PTPRT: variants seen among roughly 807,000 people sequenced by gnomAD.
PTPRT encodes protein tyrosine phosphatase receptor type T.
Under a neutral mutation model 176.8 loss-of-function variants are expected in PTPRT, and 56 were observed. The ratio of observed to expected loss-of-function variants is 0.32; its 90% CI spans 0.26 to 0.40. PTPRT has a LOEUF of 0.40. PTPRT is among the 10% of genes least tolerant of loss of function. The pLI is 1.00. For missense variants in PTPRT, 1,540 were observed against 1,908.2 expected, an observed-to-expected ratio of 0.81 and a Z score of 3.60; for synonymous variants, 783 against 739.0, an observed-to-expected ratio of 1.06 and a Z score of -0.96.
At chr20:42,857,366 T>A (rs1386734929) in intron 2 of PTPRT, among the ~76,000 whole-genome samples, 1 of 152,214 alleles carries the variant, frequency 6.6e-6, no homozygotes, top group African/African-American at 2.4e-5. Flanking sequence ...CTCTGCTCCT[T>A]AGAGCTAGAA....
chr20:42,697,467 T>G lies in PTPRT; in HGVS notation c.860-19308A>C, dbSNP rs576902429. On this transcript the variant is annotated intron_variant, in intron 6 of 30. Coordinates refer to ENST00000373187, the MANE Select transcript of PTPRT (RefSeq NM_007050.6). ...TCAAGGAAGACATTAACTTGCAAAT[T>G]ACTCGAAAGGAAGATAACCGGTAAG... 2.3e-4 allele frequency among the ~76,000 whole-genome samples: 35 copies of G among 152,332 alleles called. 1 individual carries two copies. The South Asian group carries it at 6.6e-3, about 29-fold the overall frequency.
chr20:42,125,536 A>T (rs903909154), intron 19 of PTPRT, among the ~76,000 whole-genome samples: 1 of 152,200 alleles, frequency 6.6e-6, no homozygotes, highest in African/African-American at 2.4e-5. Flanking sequence ...CAGAAGAAGA[A>T]GGTCGTGGTG....
intron 16 of PTPRT, among the ~76,000 whole-genome samples, chr20:42,181,632 T>G (rs1990530624): frequency 6.6e-6 from 1 of 152,160 alleles, no homozygotes; most frequent in Non-Finnish European, 1.5e-5. Flanking sequence ...GAATACTGAA[T>G]AGTGAAAGTG....
chr20:43,165,762 T>C (rs1372940138), intron 1 of PTPRT, among the ~76,000 whole-genome samples: 1 of 152,158 alleles, frequency 6.6e-6, no homozygotes, highest in East Asian at 1.9e-4. Context: ...CTGACTTACG[T>C]TTTTAAAAAA....
chr20:42,664,266 T>C (rs905321542), intron 7 of PTPRT, among the ~76,000 whole-genome samples: 3 of 152,362 alleles, frequency 2.0e-5, no homozygotes, highest in African/African-American at 4.8e-5. Context: ...TTTTTATGTG[T>C]AAAGATATTT....
chr20:42,181,747 T>C (rs972594416), intron 16 of PTPRT, among the ~76,000 whole-genome samples: 5 of 152,194 alleles, frequency 3.3e-5, no homozygotes, highest in African/African-American at 9.7e-5. Flanking sequence ...TCCAGGGATA[T>C]AGTAGAAGCC....
chr20:42,594,509 T>G (rs2073636274), intron 7 of PTPRT, among the ~76,000 whole-genome samples: 1 of 152,190 alleles, frequency 6.6e-6, no homozygotes, highest in Non-Finnish European at 1.5e-5. Context: ...TCTTGTTCCA[T>G]CTGGAATCAA....
chr20:43,099,988 C>T (rs947007577), intron 1 of PTPRT, among the ~76,000 whole-genome samples: 1 of 152,202 alleles, frequency 6.6e-6, no homozygotes, highest in African/African-American at 2.4e-5. Context: ...AATATCCATG[C>T]ATTCATTGTA....
intron 6 of PTPRT, among the ~76,000 whole-genome samples, chr20:42,699,666 T>C (rs1354655537): frequency 6.6e-6 from 1 of 152,194 alleles, no homozygotes; most frequent in Non-Finnish European, 1.5e-5. Flanking sequence ...GTAGTCTACA[T>C]AGTCCTGTTA....
At chr20:42,706,266 T>C (rs1007539029) in intron 6 of PTPRT, among the ~76,000 whole-genome samples, 2 of 151,794 alleles carry the variant, frequency 1.3e-5, no homozygotes, top group Admixed American at 1.3e-4. Context: ...CCCTCTCTTC[T>C]TTAGGCAGAT....
Position 42,813,657 on chromosome 20 carries a change from CTTGAAGT to C in PTPRT, c.215-22198_215-22192del, listed in dbSNP as rs547693307. On this transcript the variant is annotated intron_variant, in intron 2 of 30. Transcript: ENST00000373187. ...CCATATCAGGGAAGTTTGTTTTCCC[CTTGAAGT>C]TTGAAGATTGAGTATTCTTTATTCT... 3.9e-5 allele frequency among the ~76,000 whole-genome samples: 6 copies of C among 152,196 alleles called. No homozygotes were observed. The South Asian group carries it at 8.3e-4, about 21-fold the overall frequency.
intron 1 of PTPRT, among the ~76,000 whole-genome samples, chr20:43,074,624 G>T (rs1487289326): frequency 6.6e-6 from 1 of 152,160 alleles, no homozygotes; most frequent in Non-Finnish European, 1.5e-5. Context: ...GCCTAAATTT[G>T]GTCCTAATGT....
intron 15 of PTPRT, among the ~76,000 whole-genome samples, chr20:42,213,630 T>C (rs1373222855): frequency 6.6e-6 from 1 of 152,200 alleles, no homozygotes; most frequent in Non-Finnish European, 1.5e-5. Context: ...AGATGACTGA[T>C]GTCCTTACAA....
At chr20:43,094,387 C>CT (rs750409473) in intron 1 of PTPRT, among the ~76,000 whole-genome samples, 1 of 107,174 alleles carries the variant, frequency 9.3e-6, no homozygotes, top group African/African-American at 3.4e-5. Context: ...CACCCGGCCT[C>CT]TTTCTTTTTT....
intron 9 of PTPRT, among the ~76,000 whole-genome samples, chr20:42,367,735 A>C (rs972732862): frequency 6.6e-6 from 1 of 152,156 alleles, no homozygotes; most frequent in African/African-American, 2.4e-5. Context: ...GGAATTAGCT[A>C]AGTGGATACC....
chr20:42,924,243 A>G (rs542249120), intron 1 of PTPRT, among the ~76,000 whole-genome samples: 1 of 149,348 alleles, frequency 6.7e-6, no homozygotes, highest in South Asian at 2.1e-4. Flanking sequence ...CCTTCCATTT[A>G]AAAAAAAAAT....
chr20:43,168,789 C>G (rs563764058), intron 1 of PTPRT, among the ~76,000 whole-genome samples: 1 of 152,296 alleles, frequency 6.6e-6, no homozygotes, highest in East Asian at 1.9e-4. Flanking sequence ...CCTACATGCT[C>G]ATCCCACCGT....
chr20:43,024,180 C>T (rs1395820549), intron 1 of PTPRT, among the ~76,000 whole-genome samples: 2 of 152,210 alleles, frequency 1.3e-5, no homozygotes, highest in East Asian at 3.8e-4. Context: ...CTGAGGGTGG[C>T]TTCCTCTGCA....
At chr20:43,175,424 T>G (rs1203318678) in intron 1 of PTPRT, among the ~76,000 whole-genome samples, 1 of 152,256 alleles carries the variant, frequency 6.6e-6, no homozygotes, top group Non-Finnish European at 1.5e-5. Context: ...AAGCAAACTG[T>G]ACATATATTT....
Sources: gnomAD v4.1 joint callset for allele counts (sites outside exome capture counted in the v4.1 genomes callset) on GRCh38, gnomAD v4.1.1 for gene constraint, MANE v1.5 for transcripts, NCBI Gene and HGNC (gene_info 2026-07-23, HGNC 2026-07-21) for gene names.